Variants in TXNDC8 observed in about 807,000 individuals in gnomAD.
The protein encoded by TXNDC8 is thioredoxin domain-containing protein 8.
Under a neutral mutation model 12.9 loss-of-function variants are expected in TXNDC8, and 15 were observed. The observed-to-expected ratio is 1.16, with a 90% confidence interval of 0.78 to 1.79. The LOEUF (loss-of-function observed/expected upper bound fraction) is 1.79, where lower values mean the gene tolerates loss of function less well. Among genes scored for constraint, TXNDC8 ranks in the 40% most tolerant of loss-of-function variants. TXNDC8 has a pLI of 0.00. For missense variants in TXNDC8, 128 were observed against 113.2 expected, an observed-to-expected ratio of 1.13 and a Z score of -0.59; for synonymous variants, 40 against 35.4, an observed-to-expected ratio of 1.13 and a Z score of -0.46.
intron 2 of TXNDC8, among the ~76,000 whole-genome samples, chr9:110,327,940 G>A (rs1350267077): frequency 6.6e-6 from 1 of 152,102 alleles, no homozygotes; most frequent in East Asian, 1.9e-4. Flanking sequence ...TGTGTATTCT[G>A]AATTTATAGG....
chr9:110,330,737 G>A (rs1839514318), intron 2 of TXNDC8, among the ~76,000 whole-genome samples: 1 of 152,176 alleles, frequency 6.6e-6, no homozygotes, highest in South Asian at 2.1e-4. Context: ...TGTTGTCACT[G>A]GATTTTGCAC....
chr9:110,334,437 T>C, intron 1 of TXNDC8, 117 bp from the exon 2 acceptor site: 1 of 801,050 alleles, frequency 1.2e-6, no homozygotes, highest in African/African-American at 1.7e-5. Flanking sequence ...AAAGCCAGGT[T>C]ATCACTATGC....
chr9:110,326,110 T>G (rs183644281), intron 3 of TXNDC8, 65 bp downstream of exon 4: 5 of 1,560,032 alleles, frequency 3.2e-6, no homozygotes, highest in Non-Finnish European at 4.4e-6. Context: ...ACAGCCAGGC[T>G]TTTTTGAGGG....
chr9:110,319,134 C>A (rs986389888), intron 3 of TXNDC8, among the ~76,000 whole-genome samples: 1 of 152,148 alleles, frequency 6.6e-6, no homozygotes, highest in East Asian at 1.9e-4. Flanking sequence ...TTGATAGGAA[C>A]CCCTTTTAGG....
chr9:110,312,839 T>C (rs759657223), intron 3 of TXNDC8, among the ~76,000 whole-genome samples: 1 of 152,182 alleles, frequency 6.6e-6, no homozygotes, highest in Non-Finnish European at 1.5e-5. Flanking sequence ...CTAATGTTTT[T>C]CCATTTATAT....
chr9:110,322,014 CAT>C (rs1839116045), intron 3 of TXNDC8, among the ~76,000 whole-genome samples: 1 of 152,158 alleles, frequency 6.6e-6, no homozygotes, highest in Non-Finnish European at 1.5e-5. Context: ...GTATCTTTTG[CAT>C]AGAAAATTGA....
intron 3 of TXNDC8, among the ~76,000 whole-genome samples, chr9:110,312,195 T>G (rs138893402): frequency 0.011 from 1,698 of 152,310 alleles, 27 homozygotes; most frequent in East Asian, 0.088. Flanking sequence ...TGAACAAAAT[T>G]TGGAGCATAT....
intron 3 of TXNDC8, among the ~76,000 whole-genome samples, chr9:110,312,931 G>A (rs763936664): frequency 5.9e-5 from 9 of 152,016 alleles, no homozygotes; most frequent in Admixed American, 1.3e-4. Flanking sequence ...ACAGAGTCTC[G>A]CTGTTGCCCA....
chr9:110,311,791 CTATATACTA>C (rs1048509343), intron 3 of TXNDC8, among the ~76,000 whole-genome samples: 14 of 139,802 alleles, frequency 1.0e-4, no homozygotes, highest in Admixed American at 7.3e-4. Context: ...TATGGATATA[CTATATACTA>C]TATATACTAT....
chr9:110,314,915 A>C (rs775686828), intron 3 of TXNDC8, among the ~76,000 whole-genome samples: 1 of 152,180 alleles, frequency 6.6e-6, no homozygotes, highest in Admixed American at 6.5e-5. Flanking sequence ...ATAACTGCTA[A>C]TGAAAATTAT....
At chr9:110,324,319 A>G (rs1839225059) in intron 3 of TXNDC8, among the ~76,000 whole-genome samples, 3 of 152,228 alleles carry the variant, frequency 2.0e-5, no homozygotes, top group Non-Finnish European at 4.4e-5. Flanking sequence ...AAATAACTTT[A>G]ATTTTCAAGT....
chr9:110,321,262 G>C (rs1412778630), intron 3 of TXNDC8, among the ~76,000 whole-genome samples: 1 of 152,202 alleles, frequency 6.6e-6, no homozygotes, highest in East Asian at 1.9e-4. Flanking sequence ...TGTTTGAGCA[G>C]AGGAGGCAAT....
intron 3 of TXNDC8, among the ~76,000 whole-genome samples, chr9:110,318,432 C>A (rs1838962981): frequency 6.6e-6 from 1 of 152,054 alleles, no homozygotes; most frequent in Admixed American, 6.5e-5. Flanking sequence ...AGGGTAGGTA[C>A]TGGGGTAAAA....
chr9:110,305,147 CAAAAA>C (rs769344640), intron 3 of TXNDC8, among the ~76,000 whole-genome samples: 3 of 57,126 alleles, frequency 5.3e-5, no homozygotes, highest in African/African-American at 6.8e-5. Context: ...GATTCTGTCT[CAAAAA>C]AAAAAAAAAA....
At chr9:110,322,843 A>G (rs1380392733) in intron 3 of TXNDC8, 2 of 985,212 alleles carry the variant, frequency 2.0e-6, no homozygotes, top group Non-Finnish European at 2.4e-6. Context: ...TCACTCATTC[A>G]TCACACACAT....
chr9:110,336,082 G>A lies in TXNDC8; in HGVS notation c.24+1691C>T, dbSNP rs58797498. Among the ~76,000 whole-genome samples the A allele has an allele frequency of 9.1e-3, 1,392 of 152,270 alleles. 20 individuals carry two copies. Among genetic ancestry groups the A allele is most frequent in the African/African-American group, 0.032 (1,329 of 41,552 alleles). ...CCCTGCACACGCTGTCTTGCCTGCC[G>A]CCATGTCAGACATGCCTTTGCCCCT... On this transcript the variant is annotated intron_variant, in intron 1 of 4. Transcript: ENST00000423740.
In TXNDC8 at chr9:110,308,670, T is replaced by TA. The variant is rs879490229; in HGVS notation, c.196-4139dup. The stretch of plus-strand genomic sequence containing the variant: ...GGTTTCTGTGTTTGCTTCCTGTCTT[T>TA]AAAAAAAAAAAGGTTCTCTCATTTA... On this transcript the variant is annotated intron_variant, in intron 3 of 4. Transcript: ENST00000423740. Among the ~76,000 whole-genome samples, 200 of 145,634 alleles carry TA rather than the reference T, an allele frequency of 1.4e-3. 1 individual carries two copies. The highest frequency in any genetic ancestry group is 3.7e-3 in the Admixed American group (54 of 14,530).
chr9:110,305,882 T>C (rs1838453777), intron 3 of TXNDC8, among the ~76,000 whole-genome samples: 1 of 148,384 alleles, frequency 6.7e-6, no homozygotes, highest in Non-Finnish European at 1.5e-5. Context: ...TTTTCTTTTT[T>C]TGACAGAGTC....
At chr9:110,320,459 T>C (rs1433353059) in intron 3 of TXNDC8, among the ~76,000 whole-genome samples, 1 of 152,172 alleles carries the variant, frequency 6.6e-6, no homozygotes, top group African/African-American at 2.4e-5. Flanking sequence ...CCTGGTCATG[T>C]GGAGCTGTGA....
Sources: allele counts gnomAD v4.1 joint callset (sites outside exome capture counted in the v4.1 genomes callset), GRCh38; gene constraint gnomAD v4.1.1; transcripts MANE v1.5; gene names NCBI Gene and HGNC (gene_info 2026-07-23, HGNC 2026-07-21).